The following PIP5K1A variants were observed in gnomAD, a reference collection of about 807,000 sequenced individuals.
PIP5K1A encodes phosphatidylinositol-4-phosphate 5-kinase type 1 alpha, also known as phosphatidylinositol 4-phosphate 5-kinase type-1 alpha.
PIP5K1A carries 46 observed loss-of-function variants against 72.9 expected under a neutral mutation model. The observed-to-expected ratio is 0.63, with a 90% CI of 0.50 to 0.81. The LOEUF is 0.81. Among genes scored for constraint, PIP5K1A ranks in the 30% least tolerant of loss-of-function variants. PIP5K1A has a pLI of 0.00. For missense variants in PIP5K1A, 458 were observed against 706.1 expected, an observed-to-expected ratio of 0.65 and a Z score of 3.98; for synonymous variants, 228 against 255.1, an observed-to-expected ratio of 0.89 and a Z score of 1.01.
At chr1:151,217,301 A>AT (rs1346821854) in intron 1 of PIP5K1A, among the ~76,000 whole-genome samples, 1 of 151,932 alleles carries the variant, frequency 6.6e-6, no homozygotes, top group Non-Finnish European at 1.5e-5. Flanking sequence ...TGGGATATAG[A>AT]TTTTCAGGTG....
At chr1:151,204,866 G>C (rs1685716599) in intron 1 of PIP5K1A, among the ~76,000 whole-genome samples, 2 of 152,148 alleles carry the variant, frequency 1.3e-5, no homozygotes, top group Non-Finnish European at 2.9e-5. Flanking sequence ...TAGGTATCCA[G>C]TTTCTGATAT....
intron 4 of PIP5K1A, among the ~76,000 whole-genome samples, chr1:151,230,201 A>G (rs1689842060): frequency 6.6e-6 from 1 of 152,266 alleles, no homozygotes; most frequent in Admixed American, 6.5e-5. Flanking sequence ...AAAGCTATCT[A>G]ATCAAAGTTT....
At position 151,231,635 on chromosome 1, in the gene PIP5K1A, A is replaced by G. The variant is rs768600500; in HGVS notation, c.238-36A>G. On this transcript the variant is annotated intron_variant, in intron 4 of 15. Transcript: ENST00000368888. ...TTTTTATTGTTATGATCCTACTTAT[A>G]CTAGGAATTTTCTTCTCATTTCTCT... The G allele has an allele frequency of 4.4e-6, 7 of 1,602,126 alleles. No homozygotes were observed. The African/African-American group carries it at 9.4e-5, about 21-fold the overall frequency.
chr1:151,246,922 C>A lies in PIP5K1A; in HGVS notation c.1643C>A (p.Thr548Lys). Residue 548 changes from threonine (T) to lysine (K), a missense_variant and splice_region_variant, in exon 15 of 16, where the codon ACA (threonine) becomes AAA (lysine). Transcript: ENST00000368888. ...TTCCATTTTTTTTCTCCTGTTAGTA[C>A]AACCTTGGAAAAGCTTGAAGTTGCA... The part of the protein sequence containing the change: ...GETLQMLTTS[T>K]TLEKLEVAES... 6.2e-7 allele frequency: 1 copy of A among 1,611,886 alleles called. No individual in the cohort carries two copies. The highest frequency in any genetic ancestry group is 8.5e-7 in the Non-Finnish European group (1 of 1,178,360).
At chr1:151,209,691 A>G (rs1686509801) in intron 1 of PIP5K1A, among the ~76,000 whole-genome samples, 1 of 150,752 alleles carries the variant, frequency 6.6e-6, no homozygotes, top group African/African-American at 2.4e-5. Flanking sequence ...CGCCCACCTC[A>G]GCCTCCCAAA....
intron 15 of PIP5K1A, among the ~76,000 whole-genome samples, chr1:151,247,494 C>T (rs778540475): frequency 7.2e-5 from 11 of 152,046 alleles, no homozygotes; most frequent in Admixed American, 6.6e-4. Flanking sequence ...GGCGCGATCT[C>T]GGCTCACTGC....
At position 151,198,979 on chromosome 1, in the gene PIP5K1A, G is replaced by T. The variant is rs200530355; in HGVS notation, c.-18G>T. ...ATTGAAAGAGAGCCAGGCCGCTGAG[G>T]GGGAGGGGGCTGCTAAGATGGCGTC... On this transcript the variant is annotated 5_prime_UTR_variant, in exon 1 of 16. Transcript: ENST00000368888. 6.2e-7 allele frequency: 1 copy of T among 1,611,928 alleles called. No homozygotes were observed. Among genetic ancestry groups the T allele is most frequent in the Non-Finnish European group, 8.5e-7 (1 of 1,178,102 alleles).
chr1:151,220,429 G>T (rs1277121337), intron 1 of PIP5K1A, among the ~76,000 whole-genome samples: 1 of 151,534 alleles, frequency 6.6e-6, no homozygotes, highest in Non-Finnish European at 1.5e-5. Context: ...TGCATGTGAA[G>T]TAGAGAGAAT....
At chr1:151,247,117 CTTATTTAT>C (rs587595651) in intron 15 of PIP5K1A, 152 bp downstream of exon 15, 42 of 381,962 alleles carry the variant, frequency 1.1e-4, no homozygotes, top group Admixed American at 7.3e-4. Context: ...TTATTTTGTA[CTTATTTAT>C]TTATTTATTT....
At chr1:151,209,582 G>A (rs930693080) in intron 1 of PIP5K1A, among the ~76,000 whole-genome samples, 1 of 152,056 alleles carries the variant, frequency 6.6e-6, no homozygotes, top group Non-Finnish European at 1.5e-5. Context: ...TGGGATTACA[G>A]GTATGCGCCA....
chr1:151,218,361 A>C (rs1687928067), intron 1 of PIP5K1A, among the ~76,000 whole-genome samples: 1 of 152,202 alleles, frequency 6.6e-6, no homozygotes, highest in Admixed American at 6.6e-5. Flanking sequence ...CTGTACTCTT[A>C]ATCCTATCAG....
upstream of PIP5K1A, among the ~76,000 whole-genome samples, chr1:151,195,884 ATTTTTTTTTTT>A (rs1157195462): frequency 3.4e-4 from 21 of 62,306 alleles, 1 homozygote; most frequent in South Asian, 5.3e-3. Flanking sequence ...ACACCAGCCG[ATTTTTTTTTTT>A]TTTTTTTTTT....
intron 1 of PIP5K1A, among the ~76,000 whole-genome samples, chr1:151,199,783 A>T (rs1684955258): frequency 6.6e-6 from 1 of 152,174 alleles, no homozygotes. Flanking sequence ...AAGAGAAGCC[A>T]TGGGACTTAA....
intron 9 of PIP5K1A, among the ~76,000 whole-genome samples, chr1:151,237,688 C>T (rs1385606861): frequency 1.3e-5 from 2 of 152,058 alleles, no homozygotes; most frequent in African/African-American, 2.4e-5. Flanking sequence ...TTATAGACTT[C>T]TTTGTGGAAG....
At chr1:151,215,117 G>A (rs1320993092) in intron 1 of PIP5K1A, among the ~76,000 whole-genome samples, 2 of 144,664 alleles carry the variant, frequency 1.4e-5, no homozygotes, top group African/African-American at 2.6e-5. Context: ...TGTATCCTCC[G>A]CCTCCCGGGT....
At chr1:151,208,361 C>CT (rs11340275) in intron 1 of PIP5K1A, among the ~76,000 whole-genome samples, 22,071 of 125,828 alleles carry the variant, frequency 0.18, 1,899 homozygotes, top group Admixed American at 0.21. Flanking sequence ...GTTTTCTTTT[C>CT]TTTTTTTTTT....
intron 1 of PIP5K1A, among the ~76,000 whole-genome samples, chr1:151,217,725 A>G (rs587761693): frequency 6.6e-6 from 1 of 151,900 alleles, no homozygotes; most frequent in South Asian, 2.1e-4. Context: ...GGGACTACAG[A>G]CACCACCATG....
In PIP5K1A at chr1:151,232,710, G is replaced by T; in HGVS notation, c.639+7G>T. On this transcript the variant is annotated splice_region_variant and intron_variant, in intron 7 of 15. Coordinates refer to ENST00000368888, the MANE Select transcript of PIP5K1A (RefSeq NM_001135638.2). ...GCTTCCAGGATACTACATGGTAAGG[G>T]AGAGAGAAGCACTGTCCACCTGTGC... 1.2e-6 allele frequency: 2 copies of T among 1,612,880 alleles called. No individual in the cohort carries two copies. Among genetic ancestry groups the T allele is most frequent in the South Asian group, 2.2e-5 (2 of 90,988 alleles).
At chr1:151,239,010 C>A in intron 10 of PIP5K1A, 120 bp from the exon 11 acceptor site, 1 of 688,562 alleles carries the variant, frequency 1.5e-6, no homozygotes, top group Non-Finnish European at 2.5e-6. Context: ...AGTAGATGTG[C>A]TTTCTCAGCT....
Sources: allele counts gnomAD v4.1 joint callset (sites outside exome capture counted in the v4.1 genomes callset), GRCh38; gene constraint gnomAD v4.1.1; transcripts MANE v1.5; gene names NCBI Gene and HGNC (gene_info 2026-07-23, HGNC 2026-07-21).